MEF2C: variants seen among roughly 807,000 people sequenced by gnomAD.
The protein encoded by MEF2C is myocyte enhancer factor 2C.
A neutral mutation model predicts 50.5 loss-of-function variants in MEF2C; 6 were observed. The ratio of observed to expected loss-of-function variants is 0.12; its 90% CI spans 0.07 to 0.23. MEF2C has a LOEUF of 0.23. MEF2C is among the 10% of genes least tolerant of loss of function. The probability of loss-of-function intolerance (pLI) is 1.00; values close to 1 mark genes in which losing one functional copy is unlikely to be tolerated. For missense variants in MEF2C, 276 were observed against 605.0 expected, an observed-to-expected ratio of 0.46 and a Z score of 5.70; for synonymous variants, 183 against 228.0, an observed-to-expected ratio of 0.80 and a Z score of 1.78.
chr5:88,738,035 G>C, intron 6 of MEF2C: 1 of 985,332 alleles, frequency 1.0e-6, no homozygotes, highest in Non-Finnish European at 1.2e-6. Flanking sequence ...AATGATGTCT[G>C]AATGAGGCAG....
chr5:88,807,728 G>C (rs985569636), intron 2 of MEF2C, among the ~76,000 whole-genome samples: 7 of 152,122 alleles, frequency 4.6e-5, no homozygotes, highest in Admixed American at 4.6e-4. Context: ...AGAAGAACTA[G>C]CAAAATATAC....
chr5:88,793,931 G>T (rs569701161), intron 3 of MEF2C, among the ~76,000 whole-genome samples: 36 of 152,232 alleles, frequency 2.4e-4, no homozygotes, highest in African/African-American at 8.7e-4. Context: ...TGCTGAGAAT[G>T]ATGGTTTCCA....
intron 3 of MEF2C, chr5:88,768,813 A>T (rs116534395): frequency 0.02 from 8,040 of 394,892 alleles, 115 homozygotes; most frequent in South Asian, 0.04. Context: ...ATTCCCTCTT[A>T]ATAACTCCCA....
At chr5:88,842,514 A>T (rs1817746995) in intron 1 of MEF2C, among the ~76,000 whole-genome samples, 1 of 151,936 alleles carries the variant, frequency 6.6e-6, no homozygotes, top group Non-Finnish European at 1.5e-5. Context: ...GATTAGAAAC[A>T]GTGCCATTAC....
chr5:88,725,193 T>C (rs3797583), intron 10 of MEF2C, among the ~76,000 whole-genome samples: 2 of 152,244 alleles, frequency 1.3e-5, no homozygotes, highest in East Asian at 3.9e-4. Context: ...CCATGAAAGA[T>C]GTAACAATTA....
chr5:88,778,935 C>T (rs1263393373), intron 3 of MEF2C, among the ~76,000 whole-genome samples: 1 of 152,238 alleles, frequency 6.6e-6, no homozygotes, highest in African/African-American at 2.4e-5. Flanking sequence ...GAGAAAATGC[C>T]ACCCACAGTC....
intron 3 of MEF2C, among the ~76,000 whole-genome samples, chr5:88,802,251 T>C (rs958890334): frequency 5.3e-5 from 8 of 152,244 alleles, no homozygotes; most frequent in Non-Finnish European, 1.2e-4. Context: ...GCCTTCATTT[T>C]TGAGATGAGA....
upstream of MEF2C, among the ~76,000 whole-genome samples, chr5:88,887,161 A>G (rs1419016104): frequency 2.0e-5 from 3 of 152,240 alleles, no homozygotes; most frequent in Non-Finnish European, 4.4e-5. Context: ...ATAAGTGAAC[A>G]TGGTGGTTTA....
intron 1 of MEF2C, among the ~76,000 whole-genome samples, chr5:88,875,940 A>C (rs1353458132): frequency 6.6e-6 from 1 of 151,944 alleles, no homozygotes; most frequent in Non-Finnish European, 1.5e-5. Context: ...ATAAAAATAT[A>C]CCAGAACTCT....
chr5:88,754,080 G>A (rs1455222350), intron 4 of MEF2C, among the ~76,000 whole-genome samples: 1 of 152,226 alleles, frequency 6.6e-6, no homozygotes, highest in Non-Finnish European at 1.5e-5. Context: ...GTGCCCAGGA[G>A]CTGACCCTCC....
chr5:88,862,051 C>A (rs1581695793), intron 1 of MEF2C, among the ~76,000 whole-genome samples: 1 of 152,220 alleles, frequency 6.6e-6, no homozygotes, highest in East Asian at 1.9e-4. Flanking sequence ...TGAAACAGGT[C>A]TTTTTTCATT....
At chr5:88,798,934 C>T (rs1254150783) in intron 3 of MEF2C, among the ~76,000 whole-genome samples, 1 of 152,162 alleles carries the variant, frequency 6.6e-6, no homozygotes. Context: ...TGCTGGAGGT[C>T]TACTTCAGAC....
At chr5:88,821,615 G>A (rs1261085227) in intron 2 of MEF2C, among the ~76,000 whole-genome samples, 1 of 151,802 alleles carries the variant, frequency 6.6e-6, no homozygotes, top group Non-Finnish European at 1.5e-5. Flanking sequence ...AAACTAACTG[G>A]AGGACATTAT....
At chr5:88,780,278 G>A (rs1787276214) in intron 3 of MEF2C, among the ~76,000 whole-genome samples, 1 of 152,110 alleles carries the variant, frequency 6.6e-6, no homozygotes, top group African/African-American at 2.4e-5. Context: ...TTTTTATGCT[G>A]GTCAGCAAGT....
chr5:88,860,551 G>A (rs535646079), intron 1 of MEF2C, among the ~76,000 whole-genome samples: 7 of 152,100 alleles, frequency 4.6e-5, no homozygotes, highest in Admixed American at 2.0e-4. Flanking sequence ...ACAGTCTTAG[G>A]TTATGTCTGT....
intron 1 of MEF2C, among the ~76,000 whole-genome samples, chr5:88,868,676 T>C (rs1287312022): frequency 6.6e-6 from 1 of 152,160 alleles, no homozygotes; most frequent in Non-Finnish European, 1.5e-5. Flanking sequence ...ACCCACATGA[T>C]TCAACTAGAA....
chr5:88,743,525 T>G (rs1482185379), intron 6 of MEF2C: 35 of 982,262 alleles, frequency 3.6e-5, no homozygotes, highest in Non-Finnish European at 3.9e-5. Context: ...CAATGCTAGA[T>G]GAATTACAAA....
chr5:88,809,383 T>A (rs1289710868), intron 2 of MEF2C, among the ~76,000 whole-genome samples: 3 of 152,220 alleles, frequency 2.0e-5, no homozygotes, highest in African/African-American at 2.4e-5. Context: ...ATTTTCCGCA[T>A]GTCAAACATT....
chr5:88,761,114 C>T lies in MEF2C; in HGVS notation c.402+71G>A, dbSNP rs369779113. The T allele has an allele frequency of 1.7e-5, 27 of 1,613,766 alleles. No homozygotes were observed. Among genetic ancestry groups the T allele is most frequent in the Non-Finnish European group, 2.2e-5 (26 of 1,179,872 alleles). Reference sequence around the variant, plus strand: ...GGCTTTCACAGCCTTTGTTTTCTTTCTTGTTCAATGCCTGCCAGGTTCAGA... The same window carrying T: ...GGCTTTCACAGCCTTTGTTTTCTTTTTTGTTCAATGCCTGCCAGGTTCAGA... On this transcript the variant is annotated intron_variant, in intron 4 of 10. Coordinates refer to ENST00000504921, the MANE Select transcript of MEF2C (RefSeq NM_002397.5).
Sources: allele counts gnomAD v4.1 joint callset (sites outside exome capture counted in the v4.1 genomes callset), GRCh38; gene constraint gnomAD v4.1.1; transcripts MANE v1.5; gene names NCBI Gene and HGNC (gene_info 2026-07-23, HGNC 2026-07-21).